The following EMG1 variants were observed in gnomAD, a reference collection of about 807,000 sequenced individuals.
EMG1 encodes ribosomal RNA small subunit methyltransferase NEP1.
EMG1 carries 24 observed loss-of-function variants against 26.9 expected under a neutral mutation model. That is an observed-to-expected ratio of 0.89 (90% CI 0.65 to 1.26). The LOEUF is 1.26. EMG1 is among the 50% of genes most tolerant of loss of function. EMG1 has a pLI of 0.00. For synonymous variants in EMG1, 140 were observed against 112.6 expected (o/e 1.24, Z -1.54); for missense variants, 299 against 307.6 (o/e 0.97, Z 0.21).
intron 3 of EMG1, 148 bp from the exon 4 acceptor site, chr12:6,974,942 A>G: frequency 1.1e-6 from 1 of 897,284 alleles, no homozygotes; most frequent in Non-Finnish European, 1.8e-6. Flanking sequence ...TATGCTTGGC[A>G]ACTGTTTGTT....
intron 4 of EMG1, 39 bp downstream of exon 4, chr12:6,975,187 G>A: frequency 6.2e-7 from 1 of 1,613,952 alleles, no homozygotes. Context: ...GCTGGTTCTG[G>A]GAATGTTTCT....
chr12:6,994,686 C>T (rs1201995325), intron 7 of EMG1, among the ~76,000 whole-genome samples: 2 of 152,228 alleles, frequency 1.3e-5, no homozygotes, highest in Non-Finnish European at 2.9e-5. Context: ...AACTCCTGAG[C>T]TCAAGCAATC....
chr12:6,981,309 G>T, downstream of EMG1: 1 of 779,586 alleles, frequency 1.3e-6, no homozygotes, highest in Non-Finnish European at 2.1e-6. Context: ...TTTGGGGGAT[G>T]ACAAATAGTT....
intron 7 of EMG1, among the ~76,000 whole-genome samples, chr12:6,996,022 T>C (rs1397049590): frequency 2.6e-5 from 4 of 152,176 alleles, no homozygotes; most frequent in African/African-American, 9.7e-5. Context: ...AGTCAGCAGG[T>C]CACTCCTCTG....
downstream of EMG1, chr12:6,982,859 A>T (rs1946485043): frequency 2.2e-6 from 2 of 903,782 alleles, no homozygotes; most frequent in African/African-American, 3.4e-5. Context: ...AACGTAATAT[A>T]TAAAGAAAAA....
At position 6,976,166 on chromosome 12, in the gene EMG1, C is replaced by G. The variant is rs1946397389; in HGVS notation, c.*357C>G. ...GATGGAGAAGAACTGTGAAAGAGAG[C>G]AGTCAGGAATGCTAGTGGTGAAAAA... is the stretch of plus-strand genomic sequence containing the variant. On this transcript the variant is annotated 3_prime_UTR_variant, in exon 6 of 6. Coordinates refer to ENST00000599672, the MANE Select transcript of EMG1 (RefSeq NM_006331.8). 5.0e-6 allele frequency: 1 copy of G among 200,094 alleles called. No homozygotes were observed. The highest frequency in any genetic ancestry group is 1.2e-4 in the East Asian group (1 of 8,050). The allele number at this position is 200,094 out of a possible 1,614,324, so 12.4% of individuals were successfully genotyped here. A position where few individuals can be genotyped will look rare whatever the true frequency, so the allele number is the denominator to read the frequency against.
Position 6,979,690 on chromosome 12 carries a change from AATGGG to A in EMG1, c.*3885_*3889del. On this transcript the variant is annotated 3_prime_UTR_variant, in exon 6 of 6. Transcript: ENST00000599672. ...TTTAGGGGTGTGGTTGTCTACCTGG[AATGGG>A]ATGAGAAGCTCTGCTGCCCAAAGTG... is the stretch of plus-strand genomic sequence containing the variant. The A allele has an allele frequency of 1.4e-6, 1 of 728,230 alleles. No homozygotes were observed. 45.1% of individuals were successfully genotyped at this position (728,230 alleles called of 1,614,324 possible).
rs1489431141 is a variant in EMG1, at chr12:6,977,990, T to A, written c.*2181T>A. 1 of 571,934 alleles carries A rather than the reference T, an allele frequency of 1.7e-6. No individual in the cohort carries two copies. Among genetic ancestry groups the A allele is most frequent in the Non-Finnish European group, 3.1e-6 (1 of 320,994 alleles). The allele number at this position is 571,934 out of a possible 1,614,324, so 35.4% of individuals were successfully genotyped here. A position where few individuals can be genotyped will look rare whatever the true frequency, so the allele number is the denominator to read the frequency against. ...CAGCAGCAGTGACTGAGGCTGATGC[T>A]GAGATCAGTGGTGAACCAGACACTC... On this transcript the variant is annotated 3_prime_UTR_variant, in exon 6 of 6. Transcript: ENST00000599672. This position sits in a 1 kb window ranked among gnomAD's most constrained non-coding sequence, Gnocchi z 4.5.
intron 7 of EMG1, among the ~76,000 whole-genome samples, chr12:6,996,444 T>C (rs191610548): frequency 6.6e-6 from 1 of 152,340 alleles, no homozygotes; most frequent in East Asian, 1.9e-4. Context: ...TCAGTACTTA[T>C]TACCTTTTGA....
chr12:6,977,688 CGA>C lies in EMG1; in HGVS notation c.*1884_*1885del. 1 of 1,614,200 alleles carries C rather than the reference CGA, an allele frequency of 6.2e-7. No individual in the cohort carries two copies. On this transcript the variant is annotated 3_prime_UTR_variant, in exon 6 of 6. Transcript: ENST00000599672. This position sits in a 1 kb window ranked among gnomAD's most constrained non-coding sequence, Gnocchi z 4.5. ...CGTGCCAGAGGGCCAGGAATAGCAA[CGA>C]GAGACCCTGAGAGAGTTCTTTATTT...
Position 6,977,665 on chromosome 12 carries a change from T to G in EMG1, c.*1856T>G. 6.2e-7 allele frequency: 1 copy of G among 1,614,226 alleles called. No individual in the cohort carries two copies. Reference sequence around the variant, plus strand: ...GACCAGGTATCCTGAGTGCAGGCCGTGCCAGAGGGCCAGGAATAGCAACGA... The same window carrying G: ...GACCAGGTATCCTGAGTGCAGGCCGGGCCAGAGGGCCAGGAATAGCAACGA... On this transcript the variant is annotated 3_prime_UTR_variant, in exon 6 of 6. Coordinates refer to ENST00000599672, the MANE Select transcript of EMG1 (RefSeq NM_006331.8). This position sits in a 1 kb window ranked among gnomAD's most constrained non-coding sequence, Gnocchi z 4.5.
chr12:6,988,427 T>G (rs1353345861), downstream of EMG1: 4 of 152,244 alleles, frequency 2.6e-5, no homozygotes, highest in Non-Finnish European at 5.9e-5. Context: ...AACCTTGTTC[T>G]TGGCTGCCGC....
In EMG1 at chr12:6,997,379, A is replaced by ATATGTG. The variant is rs1328538654; in HGVS notation, c.*367_*368insATGTGT. 3 of 114,138 alleles carry ATATGTG rather than the reference A, an allele frequency of 2.6e-5. No homozygotes were observed. The East Asian group carries it at 8.1e-4, about 31-fold the overall frequency. The allele number at this position is 114,138 out of a possible 1,614,324, so 7.1% of individuals were successfully genotyped here. A position where few individuals can be genotyped will look rare whatever the true frequency, so the allele number is the denominator to read the frequency against. ...CATGCCCCCAAAACAACAGCAAATT[A>ATATGTG]TGTGTGTGTGTGTGTGTGTGTGTGT... On this transcript the variant is annotated 3_prime_UTR_variant and NMD_transcript_variant, in exon 8 of 8. Coordinates refer to the EMG1 transcript ENST00000607161.
chr12:6,984,426 T>C (rs140882361), downstream of EMG1, among the ~76,000 whole-genome samples: 1,480 of 152,328 alleles, frequency 9.7e-3, 22 homozygotes, highest in African/African-American at 0.033. Flanking sequence ...GTGTTCTATC[T>C]AGAGGTCTGG....
rs1591710500 is a variant in EMG1 at position 6,977,446 on chromosome 12, A to G, written c.*1637A>G. On this transcript the variant is annotated 3_prime_UTR_variant, in exon 6 of 6. Transcript: ENST00000599672. This position sits in a 1 kb window ranked among gnomAD's most constrained non-coding sequence, Gnocchi z 4.5. Reference sequence around the variant, plus strand: ...GAAGAGCCAGTGGATGGTCTGTTGCACCAAATAGTAGAAGGGCTGGAGGAC... The same window carrying G: ...GAAGAGCCAGTGGATGGTCTGTTGCGCCAAATAGTAGAAGGGCTGGAGGAC... 6.2e-7 allele frequency: 1 copy of G among 1,614,196 alleles called. No homozygotes were observed. The highest frequency in any genetic ancestry group is 8.5e-7 in the Non-Finnish European group (1 of 1,180,032).
downstream of EMG1, among the ~76,000 whole-genome samples, chr12:6,992,638 ATT>A (rs1165231061): frequency 6.6e-6 from 1 of 152,206 alleles, no homozygotes; most frequent in Non-Finnish European, 1.5e-5. Flanking sequence ...ATATGGAATG[ATT>A]TGTTTTAATC....
chr12:6,994,674 C>T (rs1443082344), intron 7 of EMG1, among the ~76,000 whole-genome samples: 4 of 152,118 alleles, frequency 2.6e-5, no homozygotes, highest in South Asian at 2.1e-4. Context: ...AGGCTGGTCT[C>T]GAACTCCTGA....
At chr12:6,982,634 G>T, downstream of EMG1, 1 of 1,468,470 alleles carries the variant, frequency 6.8e-7, no homozygotes. Flanking sequence ...CCCCTGAACC[G>T]CTGTCAGCTG....
Position 6,975,324 on chromosome 12 carries a change from GGTGCCCAGCAGTGATCCT to G in EMG1, c.568_585del (p.Val190_Pro195del). 9 of 1,609,438 alleles carry G rather than the reference GGTGCCCAGCAGTGATCCT, an allele frequency of 5.6e-6. No individual in the cohort carries two copies. Among genetic ancestry groups the G allele is most frequent in the Non-Finnish European group, 7.6e-6 (9 of 1,177,530 alleles). ...CGGTTGTCAGTGATGTGCGTGAGCTGGTGCCCAGCAGTGATCCTATTGTTTTTGTGGTAGGGGCCTTTG... is the reference window on the plus strand; with the variant it reads ...CGGTTGTCAGTGATGTGCGTGAGCTGATTGTTTTTGTGGTAGGGGCCTTTG... On this transcript the variant is annotated inframe_deletion, in exon 5 of 6. Coordinates refer to ENST00000599672, the MANE Select transcript of EMG1 (RefSeq NM_006331.8).
Sources: allele counts gnomAD v4.1 joint callset (sites outside exome capture counted in the v4.1 genomes callset), GRCh38; gene constraint gnomAD v4.1.1; non-coding constraint Gnocchi (gnomAD v3.1); transcripts MANE v1.5; gene names NCBI Gene and HGNC (gene_info 2026-07-23, HGNC 2026-07-21).